The following PTPRT variants were observed in gnomAD, a reference collection of about 807,000 sequenced individuals.
PTPRT encodes the protein receptor-type tyrosine-protein phosphatase T.
A neutral mutation model predicts 176.8 loss-of-function variants in PTPRT; 56 were observed. The observed-to-expected ratio is 0.32, with a 90% CI of 0.26 to 0.40. PTPRT has a LOEUF of 0.40. Ranked by LOEUF, PTPRT falls within the 10% of genes least tolerant of loss-of-function variation. The pLI is 1.00. For missense variants in PTPRT, 1,540 were observed against 1,908.2 expected, an observed-to-expected ratio of 0.81 and a Z score of 3.60; for synonymous variants, 783 against 739.0, an observed-to-expected ratio of 1.06 and a Z score of -0.96.
At chr20:42,712,334 T>C (rs1183554960) in intron 6 of PTPRT, among the ~76,000 whole-genome samples, 1 of 152,104 alleles carries the variant, frequency 6.6e-6, no homozygotes, top group South Asian at 2.1e-4. Flanking sequence ...TAGCCCTGAT[T>C]TTAAGAGAAG....
intron 17 of PTPRT, among the ~76,000 whole-genome samples, chr20:42,149,739 AG>A (rs1989040347): frequency 6.6e-6 from 1 of 152,150 alleles, no homozygotes; most frequent in African/African-American, 2.4e-5. Flanking sequence ...ACTTTTTAAG[AG>A]GGGTAGGCTG....
At chr20:42,253,119 T>A (rs1436218885) in intron 13 of PTPRT, among the ~76,000 whole-genome samples, 3 of 152,120 alleles carry the variant, frequency 2.0e-5, no homozygotes, top group Admixed American at 6.6e-5. Flanking sequence ...GACTCCCATA[T>A]CTGAGGGATG....
the PTPRT span, among the ~76,000 whole-genome samples, chr20:42,057,464 A>G: frequency 6.6e-6 from 1 of 152,204 alleles, no homozygotes; most frequent in Non-Finnish European, 1.5e-5. Flanking sequence ...ACCCTGGCCT[A>G]TATCTTCCCC....
chr20:42,722,308 T>A (rs2076316395), intron 6 of PTPRT, among the ~76,000 whole-genome samples: 1 of 152,132 alleles, frequency 6.6e-6, no homozygotes, highest in African/African-American at 2.4e-5. Flanking sequence ...CTCCACTGCC[T>A]CACACCCACC....
chr20:42,350,224 T>TTTTTTTTTTTTTTG (rs2058258706), intron 11 of PTPRT, among the ~76,000 whole-genome samples: 1 of 25,616 alleles, frequency 3.9e-5, no homozygotes, highest in Non-Finnish European at 8.2e-5. Context: ...GTTTTTTTTT[T>TTTTTTTTTTTTTTG]TTTTTTTTTT....
intron 7 of PTPRT, among the ~76,000 whole-genome samples, chr20:42,544,169 G>T (rs970207554): frequency 4.6e-5 from 7 of 152,154 alleles, no homozygotes; most frequent in African/African-American, 1.7e-4. Flanking sequence ...AGCTACGAAA[G>T]TCCTAGATGG....
chr20:42,206,392 T>C (rs906451250), intron 15 of PTPRT, among the ~76,000 whole-genome samples: 1 of 151,904 alleles, frequency 6.6e-6, no homozygotes, highest in Admixed American at 6.6e-5. Context: ...CACTAGGGAG[T>C]GCCAGACAGT....
intron 1 of PTPRT, among the ~76,000 whole-genome samples, chr20:42,970,479 G>A (rs923431411): frequency 6.6e-6 from 1 of 152,130 alleles, no homozygotes; most frequent in Non-Finnish European, 1.5e-5. Context: ...GAAATCCTGG[G>A]TCAGCCACTT....
intron 1 of PTPRT, among the ~76,000 whole-genome samples, chr20:43,102,176 G>A (rs943283841): frequency 6.6e-6 from 1 of 151,804 alleles, no homozygotes; most frequent in African/African-American, 2.4e-5. Context: ...ATTAATACAG[G>A]GGGCATACAT....
At chr20:43,140,191 C>G (rs1275902783) in intron 1 of PTPRT, among the ~76,000 whole-genome samples, 1 of 151,864 alleles carries the variant, frequency 6.6e-6, no homozygotes, top group Non-Finnish European at 1.5e-5. Context: ...AATTCTGTAC[C>G]TCGCTTTTTT....
chr20:42,592,107 G>C (rs985449496), intron 7 of PTPRT, among the ~76,000 whole-genome samples: 3 of 150,550 alleles, frequency 2.0e-5, no homozygotes, highest in Admixed American at 2.0e-4. Context: ...AGCCTCCCGA[G>C]TAGCTGGGAC....
chr20:42,832,917 A>G (rs955970749), intron 2 of PTPRT, among the ~76,000 whole-genome samples: 1 of 151,710 alleles, frequency 6.6e-6, no homozygotes, highest in Non-Finnish European at 1.5e-5. Context: ...CAGCCTGGGC[A>G]ATAAAAAACT....
At chr20:42,849,269 G>A (rs1228186890) in intron 2 of PTPRT, among the ~76,000 whole-genome samples, 2 of 152,166 alleles carry the variant, frequency 1.3e-5, no homozygotes, top group African/African-American at 4.8e-5. Flanking sequence ...TCCATTTTAG[G>A]AAGTCCCACT....
chr20:42,332,861 A>T (rs2057987324), intron 11 of PTPRT, among the ~76,000 whole-genome samples: 1 of 152,236 alleles, frequency 6.6e-6, no homozygotes, highest in South Asian at 2.1e-4. Context: ...GTACAACAAG[A>T]TATATAAACA....
At chr20:42,481,368 C>A (rs1184616730) in intron 7 of PTPRT, among the ~76,000 whole-genome samples, 1 of 152,108 alleles carries the variant, frequency 6.6e-6, no homozygotes, top group Non-Finnish European at 1.5e-5. Context: ...AGAGGTCTTA[C>A]AGGATTATTC....
chr20:42,908,428 T>C (rs1350743914), intron 1 of PTPRT, among the ~76,000 whole-genome samples: 1 of 152,060 alleles, frequency 6.6e-6, no homozygotes, highest in Non-Finnish European at 1.5e-5. Flanking sequence ...AACCAGCAAA[T>C]ACCACAAACA....
intron 9 of PTPRT, among the ~76,000 whole-genome samples, chr20:42,355,615 A>G (rs1024076844): frequency 6.6e-6 from 1 of 152,148 alleles, no homozygotes; most frequent in Non-Finnish European, 1.5e-5. Context: ...AATGGGGGCA[A>G]ATGGAGTTTT....
chr20:42,998,634 T>C (rs1293338074), intron 1 of PTPRT, among the ~76,000 whole-genome samples: 2 of 152,214 alleles, frequency 1.3e-5, no homozygotes, highest in South Asian at 2.1e-4. Flanking sequence ...AAAGAACTTT[T>C]ATCACCAAGA....
At chr20:42,217,392 C>T (rs1403720675) in intron 15 of PTPRT, among the ~76,000 whole-genome samples, 1 of 126,326 alleles carries the variant, frequency 7.9e-6, no homozygotes, top group Non-Finnish European at 1.6e-5. Flanking sequence ...CACACACACA[C>T]ACACACACAC....
Sources: gnomAD v4.1 joint callset for allele counts (sites outside exome capture counted in the v4.1 genomes callset) on GRCh38, gnomAD v4.1.1 for gene constraint, MANE v1.5 for transcripts, NCBI Gene and HGNC (gene_info 2026-07-23, HGNC 2026-07-21) for gene names.